The following KAZN variants were observed in gnomAD, a reference collection of about 807,000 sequenced individuals.
KAZN encodes the protein kazrin, periplakin interacting protein, also known as kazrin.
Under a neutral mutation model 87.4 loss-of-function variants are expected in KAZN, and 40 were observed. That is an observed-to-expected ratio of 0.46 (90% confidence interval 0.36 to 0.60). The LOEUF is 0.60. Ranked by LOEUF, KAZN falls within the 20% of genes least tolerant of loss-of-function variation. The pLI, the probability that KAZN is intolerant of heterozygous loss-of-function variation, is 0.00. For synonymous variants in KAZN, 466 were observed against 458.3 expected (o/e 1.02, Z -0.22); for missense variants, 898 against 1,073.9 (o/e 0.84, Z 2.29).
chr1:14,521,490 G>A (rs1198010623), intron 2 of KAZN, among the ~76,000 whole-genome samples: 5 of 152,228 alleles, frequency 3.3e-5, no homozygotes, highest in African/African-American at 1.2e-4. Flanking sequence ...TCTGTGAAAT[G>A]TGAACCCTGT....
chr1:14,574,682 C>T (rs1378977289), intron 2 of KAZN, among the ~76,000 whole-genome samples: 1 of 152,102 alleles, frequency 6.6e-6, no homozygotes, highest in Non-Finnish European at 1.5e-5. Context: ...AATACACCTA[C>T]ATTCATTCAA....
intron 1 of KAZN, among the ~76,000 whole-genome samples, chr1:14,033,550 C>A (rs1005969495): frequency 6.6e-6 from 1 of 152,182 alleles, no homozygotes; most frequent in Admixed American, 6.5e-5. Context: ...CAGGCTTTTG[C>A]AAAACCTTGC....
At chr1:14,186,227 AT>A (rs1646303811) in intron 2 of KAZN, among the ~76,000 whole-genome samples, 1 of 152,200 alleles carries the variant, frequency 6.6e-6, no homozygotes, top group African/African-American at 2.4e-5. Flanking sequence ...TAAAATGATA[AT>A]AAAATGGAAT....
intron 2 of KAZN, among the ~76,000 whole-genome samples, chr1:14,452,091 C>T (rs573225126): frequency 1.6e-4 from 24 of 152,248 alleles, no homozygotes; most frequent in Admixed American, 8.5e-4. Context: ...AGACACGCCC[C>T]ACCATGCCTG....
rs76406940 is a variant in KAZN, at chr1:14,648,547, T to C, written c.226+49324T>C. Among the ~76,000 whole-genome samples, 1,366 of 152,108 alleles carry C rather than the reference T, an allele frequency of 9.0e-3. 9 individuals are homozygous for C. Among genetic ancestry groups the C allele is most frequent in the Middle Eastern group, 0.014 (4 of 294 alleles). ...CCTCCTCTCTGTCCCTTAGATGAGA[T>C]TGTTGGCAGGAAAACTAGAGCTGCA... On this transcript the variant is annotated intron_variant, in intron 1 of 14. Coordinates refer to ENST00000376030, the MANE Select transcript of KAZN (RefSeq NM_201628.3).
At chr1:14,972,879 G>A (rs1368800553) in intron 2 of KAZN, among the ~76,000 whole-genome samples, 1 of 152,058 alleles carries the variant, frequency 6.6e-6, no homozygotes, top group Admixed American at 6.6e-5. Context: ...GCAGGGCTTT[G>A]GGGTATTGAA....
chr1:14,386,361 G>T (rs1209659919), intron 2 of KAZN, among the ~76,000 whole-genome samples: 2 of 150,292 alleles, frequency 1.3e-5, no homozygotes, highest in African/African-American at 2.4e-5. Flanking sequence ...TCATGATGAT[G>T]TTAGCTGGTT....
chr1:14,594,539 T>C (rs1019361541), upstream of KAZN, among the ~76,000 whole-genome samples: 4 of 152,022 alleles, frequency 2.6e-5, no homozygotes, highest in Admixed American at 2.6e-4. Context: ...AGTGGAAAAA[T>C]GATAGCAAGT....
In KAZN at chr1:14,008,725, A is replaced by G. The variant is rs142197621; in HGVS notation, c.91+114969A>G. Among the ~76,000 whole-genome samples the G allele has an allele frequency of 5.4e-3, 824 of 152,336 alleles. 5 individuals are homozygous for G. The highest frequency in any genetic ancestry group is 0.019 in the African/African-American group (783 of 41,586). ...TTGATGAGGATGGTGGTACCGATAT[A>G]GCCAGGTGCTATTCTAAGTGCTACA... is the stretch of plus-strand genomic sequence containing the variant. On this transcript the variant is annotated intron_variant, in intron 1 of 16. Coordinates refer to the KAZN transcript ENST00000636203.
intron 1 of KAZN, among the ~76,000 whole-genome samples, chr1:14,130,584 G>A (rs1644971387): frequency 6.6e-6 from 1 of 151,786 alleles, no homozygotes; most frequent in African/African-American, 2.4e-5. Context: ...TAACATATCT[G>A]AACCTTCTGC....
At chr1:14,645,624 T>C (rs777341064) in intron 1 of KAZN, among the ~76,000 whole-genome samples, 3 of 152,224 alleles carry the variant, frequency 2.0e-5, no homozygotes, top group Non-Finnish European at 4.4e-5. Context: ...TGAAGTTGTT[T>C]ATCAACTGAA....
Position 15,066,151 on chromosome 1 carries a change from TTTTG to T in KAZN, c.1222+402_1222+405del. 1 of 1,036,540 alleles carries T rather than the reference TTTTG, an allele frequency of 9.6e-7. No homozygotes were observed. The highest frequency in any genetic ancestry group is 1.2e-6 in the Non-Finnish European group (1 of 863,524). 64.2% of individuals were successfully genotyped at this position (1,036,540 alleles called of 1,614,324 possible). The stretch of plus-strand genomic sequence containing the variant: ...GTTTGGTTCGTCGGTTTGTTTTTGT[TTTTG>T]TTTTTTTCCCCCTTTCTCCTCCCCT... On this transcript the variant is annotated intron_variant, in intron 8 of 14. Coordinates refer to ENST00000376030, the MANE Select transcript of KAZN (RefSeq NM_201628.3). The surrounding 1 kb of genome is among the most constrained non-coding windows in gnomAD (Gnocchi z 4.3).
At chr1:14,480,666 A>C (rs1669028409) in intron 2 of KAZN, among the ~76,000 whole-genome samples, 1 of 145,572 alleles carries the variant, frequency 6.9e-6, no homozygotes, top group Non-Finnish European at 1.5e-5. Flanking sequence ...TTTATTTATA[A>C]TATATAAACT....
chr1:14,492,362 C>T (rs139234022), intron 2 of KAZN, among the ~76,000 whole-genome samples: 115 of 152,112 alleles, frequency 7.6e-4, no homozygotes, highest in Non-Finnish European at 1.3e-3. Context: ...CCTGCCTCCT[C>T]GTGGCTTCTG....
Position 14,856,747 on chromosome 1 carries a change from A to G in KAZN, c.227-103937A>G, listed in dbSNP as rs1650159733. Among the ~76,000 whole-genome samples the G allele has an allele frequency of 6.6e-6, 1 of 152,132 alleles. No homozygotes were observed. The highest frequency in any genetic ancestry group is 1.5e-5 in the Non-Finnish European group (1 of 68,030). On this transcript the variant is annotated intron_variant, in intron 1 of 14. Transcript: ENST00000376030. The surrounding 1 kb of genome is among the most constrained non-coding windows in gnomAD (Gnocchi z 5.2). The stretch of plus-strand genomic sequence containing the variant: ...ATTATTCTCAAGGACAATGGCCATT[A>G]TGTCCATTCTTCCAGGATAAAGATG...
intron 1 of KAZN, among the ~76,000 whole-genome samples, chr1:14,805,622 G>A (rs1462613188): frequency 6.6e-6 from 1 of 152,088 alleles, no homozygotes; most frequent in Non-Finnish European, 1.5e-5. Context: ...GCCCAGCATG[G>A]TGGCTCATGA....
intron 1 of KAZN, among the ~76,000 whole-genome samples, chr1:14,751,465 T>C (rs1313055079): frequency 6.6e-6 from 1 of 152,204 alleles, no homozygotes; most frequent in African/African-American, 2.4e-5. Flanking sequence ...GAACTTCTCA[T>C]AGCTTACCTC....
intron 1 of KAZN, among the ~76,000 whole-genome samples, chr1:14,714,422 C>T (rs1642670721): frequency 6.6e-6 from 1 of 152,130 alleles, no homozygotes; most frequent in Non-Finnish European, 1.5e-5. Context: ...AAAAAAATCC[C>T]TAAGCAGCCA....
At chr1:14,165,139 G>T (rs899900652) in intron 1 of KAZN, among the ~76,000 whole-genome samples, 3 of 151,850 alleles carry the variant, frequency 2.0e-5, no homozygotes, top group South Asian at 4.2e-4. Flanking sequence ...TACATAGCTA[G>T]TTTTATGTAT....
Sources: gnomAD v4.1 joint callset for allele counts (sites outside exome capture counted in the v4.1 genomes callset) on GRCh38, gnomAD v4.1.1 for gene constraint, Gnocchi (gnomAD v3.1) non-coding constraint, MANE v1.5 for transcripts, NCBI Gene and HGNC (gene_info 2026-07-23, HGNC 2026-07-21) for gene names.